The following THSD7A variants were observed in gnomAD, a reference collection of about 807,000 sequenced individuals.
The protein encoded by THSD7A is thrombospondin type-1 domain-containing protein 7A.
In THSD7A, 96 loss-of-function variants were observed where a neutral mutation model predicts 231.3. The ratio of observed to expected loss-of-function variants is 0.41; its 90% CI spans 0.35 to 0.49. The LOEUF (loss-of-function observed/expected upper bound fraction) is 0.49. THSD7A is among the 20% of genes least tolerant of loss of function. THSD7A has a pLI of 0.05. For missense variants in THSD7A, 2,290 were observed against 2,070.2 expected, an observed-to-expected ratio of 1.11 and a Z score of -2.06; for synonymous variants, 940 against 743.3, an observed-to-expected ratio of 1.26 and a Z score of -4.30.
chr7:11,635,313 A>C (rs1365778060), intron 2 of THSD7A, among the ~76,000 whole-genome samples: 1 of 152,194 alleles, frequency 6.6e-6, no homozygotes, highest in African/African-American at 2.4e-5. Flanking sequence ...CTGAAAAAGC[A>C]ATTATGCAAA....
intron 1 of THSD7A, chr7:11,821,387 G>T (rs767820955): frequency 2.0e-5 from 8 of 401,842 alleles, no homozygotes; most frequent in South Asian, 4.0e-5. Flanking sequence ...CCCTTGCCCT[G>T]ATTTTAAAAG....
intron 3 of THSD7A, among the ~76,000 whole-genome samples, chr7:11,592,713 ATG>A (rs752981154): frequency 1.3e-5 from 2 of 152,206 alleles, no homozygotes; most frequent in Non-Finnish European, 2.9e-5. Flanking sequence ...CATTATTTTG[ATG>A]TAGTATTTTA....
intron 14 of THSD7A, among the ~76,000 whole-genome samples, chr7:11,428,646 T>TA (rs1047884749): frequency 6.6e-6 from 1 of 152,220 alleles, no homozygotes; most frequent in African/African-American, 2.4e-5. Context: ...GCCTACATGT[T>TA]AGATACAATC....
intron 1 of THSD7A, among the ~76,000 whole-genome samples, chr7:11,743,090 G>T (rs999880): frequency 0.19 from 28,420 of 151,642 alleles, 3,403 homozygotes; most frequent in African/African-American, 0.33. Context: ...CTTATTATTG[G>T]CTTTCTAAAC....
chr7:11,500,692 C>T (rs769817897), intron 6 of THSD7A, among the ~76,000 whole-genome samples: 5 of 151,992 alleles, frequency 3.3e-5, no homozygotes, highest in African/African-American at 9.7e-5. Flanking sequence ...GTAATCCCAG[C>T]ACTTTAGGGG....
intron 6 of THSD7A, among the ~76,000 whole-genome samples, chr7:11,496,431 AG>A (rs1787101645): frequency 6.6e-6 from 1 of 152,190 alleles, no homozygotes; most frequent in Admixed American, 6.5e-5. Flanking sequence ...TGAGGCCCAT[AG>A]TATGGAAAAC....
chr7:11,546,204 T>TGCACACACACACACACACACACA (rs1562706169), intron 4 of THSD7A, among the ~76,000 whole-genome samples: 5 of 140,266 alleles, frequency 3.6e-5, no homozygotes, highest in Non-Finnish European at 6.2e-5. Context: ...GGGCGCGCGC[T>TGCACACACACACACACACACACA]CACACACACA....
At chr7:11,796,013 T>C (rs1164854926) in intron 1 of THSD7A, among the ~76,000 whole-genome samples, 1 of 144,882 alleles carries the variant, frequency 6.9e-6, no homozygotes, top group East Asian at 2.0e-4. Context: ...TTTTTGGTAC[T>C]TCTTTGAAAT....
chr7:11,520,472 A>C (rs952309846), intron 6 of THSD7A, among the ~76,000 whole-genome samples: 2 of 152,154 alleles, frequency 1.3e-5, no homozygotes, highest in Non-Finnish European at 2.9e-5. Context: ...CTTGACAATT[A>C]TCTCTTATGC....
chr7:11,805,004 T>C (rs1784363135), intron 1 of THSD7A, among the ~76,000 whole-genome samples: 1 of 152,152 alleles, frequency 6.6e-6, no homozygotes, highest in Non-Finnish European at 1.5e-5. Flanking sequence ...GGTAAAGAGC[T>C]GAAACCTTGC....
At chr7:11,807,378 T>C (rs565364542) in intron 1 of THSD7A, among the ~76,000 whole-genome samples, 104 of 152,294 alleles carry the variant, frequency 6.8e-4, no homozygotes, top group African/African-American at 2.4e-3. Flanking sequence ...GAAAGGAAAG[T>C]ATTCCCAAAT....
intron 1 of THSD7A, among the ~76,000 whole-genome samples, chr7:11,808,933 A>T (rs904461827): frequency 2.6e-5 from 4 of 152,192 alleles, no homozygotes; most frequent in African/African-American, 7.2e-5. Flanking sequence ...CTTAAACCAT[A>T]CATATAGTAG....
At chr7:11,611,527 G>A (rs1451778990) in intron 2 of THSD7A, among the ~76,000 whole-genome samples, 2 of 151,462 alleles carry the variant, frequency 1.3e-5, no homozygotes, top group African/African-American at 4.9e-5. Flanking sequence ...GGTCAATTTT[G>A]TTAATATTAA....
At chr7:11,807,168 C>T (rs1027459196) in intron 1 of THSD7A, among the ~76,000 whole-genome samples, 1 of 151,930 alleles carries the variant, frequency 6.6e-6, no homozygotes, top group Non-Finnish European at 1.5e-5. Context: ...TCTGTGTATT[C>T]CTTAGCCCTT....
intron 6 of THSD7A, among the ~76,000 whole-genome samples, chr7:11,487,255 G>C (rs972685954): frequency 2.6e-5 from 4 of 151,998 alleles, no homozygotes; most frequent in Non-Finnish European, 4.4e-5. Context: ...TAAAACATCT[G>C]CTCAAGATAA....
At chr7:11,504,936 C>G (rs902020280) in intron 6 of THSD7A, among the ~76,000 whole-genome samples, 16 of 151,626 alleles carry the variant, frequency 1.1e-4, no homozygotes, top group African/African-American at 3.9e-4. Flanking sequence ...CAATCCAAAA[C>G]ACTTTAATAA....
At chr7:11,441,848 G>C (rs1362649750) in intron 13 of THSD7A, among the ~76,000 whole-genome samples, 1 of 151,934 alleles carries the variant, frequency 6.6e-6, no homozygotes, top group African/African-American at 2.4e-5. Context: ...CGGGGGCTAG[G>C]GGAGGGATAG....
At chr7:11,658,584 G>T (rs1443826849) in intron 1 of THSD7A, among the ~76,000 whole-genome samples, 1 of 151,618 alleles carries the variant, frequency 6.6e-6, no homozygotes, top group East Asian at 2.0e-4. Context: ...GATAAACACT[G>T]CCCCTAAGAT....
intron 1 of THSD7A, among the ~76,000 whole-genome samples, chr7:11,754,317 G>T (rs957368709): frequency 3.9e-5 from 6 of 152,008 alleles, no homozygotes; most frequent in Non-Finnish European, 8.8e-5. Flanking sequence ...TGTTATGATT[G>T]TACAAAGTTC....
Sources: allele counts gnomAD v4.1 joint callset (sites outside exome capture counted in the v4.1 genomes callset), GRCh38; gene constraint gnomAD v4.1.1; transcripts MANE v1.5; gene names NCBI Gene and HGNC (gene_info 2026-07-23, HGNC 2026-07-21).